HCN1: variants seen among roughly 807,000 people sequenced by gnomAD.
HCN1 encodes hyperpolarization activated cyclic nucleotide gated potassium channel 1, also known as potassium/sodium hyperpolarization-activated cyclic nucleotide-gated channel 1.
In HCN1, 13 loss-of-function variants were observed where a neutral mutation model predicts 78.9. The observed-to-expected ratio is 0.16, with a 90% CI of 0.11 to 0.26. HCN1 has a LOEUF of 0.26. Ranked by LOEUF, HCN1 falls within the 10% of genes least tolerant of loss-of-function variation. The pLI, the probability that HCN1 is intolerant of heterozygous loss-of-function variation, is 1.00. For missense variants in HCN1, 810 were observed against 1,154.3 expected (o/e 0.70, Z 4.32); for synonymous variants, 552 against 455.5 (o/e 1.21, Z -2.70).
At chr5:45,596,492 G>C (rs1744498974) in intron 2 of HCN1, among the ~76,000 whole-genome samples, 1 of 152,170 alleles carries the variant, frequency 6.6e-6, no homozygotes, top group South Asian at 2.1e-4. Flanking sequence ...GAATGTCAAT[G>C]AATAACAGTT....
At position 45,260,700 on chromosome 5, in the gene HCN1, G is replaced by A. The variant is rs1042370726; in HGVS notation, c.*1221C>T. On this transcript the variant is annotated 3_prime_UTR_variant, in exon 8 of 8. Transcript: ENST00000303230. ...ACACTTAACTCCAAATCAAGCTGTGGTTTACAAATAATTATTTAAATAATA... is the reference window on the plus strand; with the variant it reads ...ACACTTAACTCCAAATCAAGCTGTGATTTACAAATAATTATTTAAATAATA... 1.3e-5 allele frequency: 2 copies of A among 152,472 alleles called. No homozygotes were observed. Among genetic ancestry groups the A allele is most frequent in the African/African-American group, 2.4e-5 (1 of 41,396 alleles). The allele number at this position is 152,472 out of a possible 1,614,324, so 9.4% of individuals were successfully genotyped here.
At chr5:45,301,614 A>G (rs537816587) in intron 6 of HCN1, among the ~76,000 whole-genome samples, 1 of 150,756 alleles carries the variant, frequency 6.6e-6, no homozygotes, top group African/African-American at 2.4e-5. Flanking sequence ...CCCAGCTACT[A>G]GGGAGGCTGA....
At chr5:45,498,752 T>C (rs1164947897) in intron 2 of HCN1, among the ~76,000 whole-genome samples, 1 of 152,142 alleles carries the variant, frequency 6.6e-6, no homozygotes, top group East Asian at 1.9e-4. Flanking sequence ...GATGTACAGA[T>C]GGGTTTTTGG....
At chr5:45,492,296 ATGTGTGTGTGTG>A (rs375423075) in intron 2 of HCN1, among the ~76,000 whole-genome samples, 2 of 140,906 alleles carry the variant, frequency 1.4e-5, no homozygotes, top group Non-Finnish European at 3.1e-5. Context: ...AACTCTGTGT[ATGTGTGTGTGTG>A]TGTGTGTGTG....
chr5:45,375,213 T>TAATATATTATAC (rs1747589196), intron 4 of HCN1, among the ~76,000 whole-genome samples: 2 of 113,810 alleles, frequency 1.8e-5, no homozygotes, highest in South Asian at 2.4e-4. Context: ...TTTTATAATA[T>TAATATATTATAC]ATAATATAAT....
intron 2 of HCN1, among the ~76,000 whole-genome samples, chr5:45,530,506 G>A (rs1330685985): frequency 6.6e-6 from 1 of 150,770 alleles, no homozygotes; most frequent in East Asian, 1.9e-4. Context: ...AATTAGTAAG[G>A]ACTATACATT....
At chr5:45,492,603 G>A (rs1741912126) in intron 2 of HCN1, among the ~76,000 whole-genome samples, 1 of 142,322 alleles carries the variant, frequency 7.0e-6, no homozygotes, top group Non-Finnish European at 1.5e-5. Flanking sequence ...CCCGGTTCAA[G>A]TGATTCTCCT....
rs541214592 is a variant in HCN1 at position 45,646,197 on chromosome 5, G to A, written c.426-589C>T. 2.6e-5 allele frequency among the ~76,000 whole-genome samples: 4 copies of A among 151,952 alleles called. No individual in the cohort carries two copies. The East Asian group carries it at 7.7e-4, about 29-fold the overall frequency. ...ATATTTTATGCTTTATTTTTCTTTTGCTTGAAATAAGAAAACTAATTTTGG... is the reference window on the plus strand; with the variant it reads ...ATATTTTATGCTTTATTTTTCTTTTACTTGAAATAAGAAAACTAATTTTGG... On this transcript the variant is annotated intron_variant, in intron 1 of 7. Transcript: ENST00000303230.
At chr5:45,679,275 G>A (rs777784180) in intron 1 of HCN1, among the ~76,000 whole-genome samples, 2 of 151,952 alleles carry the variant, frequency 1.3e-5, no homozygotes, top group African/African-American at 2.4e-5. Flanking sequence ...CTGTCATAGG[G>A]TTGCTCTAAG....
chr5:45,614,691 C>A (rs926581672), intron 2 of HCN1, among the ~76,000 whole-genome samples: 16 of 152,126 alleles, frequency 1.1e-4, no homozygotes, highest in African/African-American at 3.1e-4. Flanking sequence ...TTCCTTAAAT[C>A]GTTTTAATAC....
At chr5:45,417,287 T>C (rs1740137091) in intron 3 of HCN1, among the ~76,000 whole-genome samples, 1 of 151,972 alleles carries the variant, frequency 6.6e-6, no homozygotes, top group Non-Finnish European at 1.5e-5. Flanking sequence ...ACTACATTAA[T>C]GTAATGTTTC....
At chr5:45,620,285 G>T (rs1465016199) in intron 2 of HCN1, among the ~76,000 whole-genome samples, 1 of 151,884 alleles carries the variant, frequency 6.6e-6, no homozygotes, top group Non-Finnish European at 1.5e-5. Context: ...AAAAACTGGT[G>T]AAATATAAAC....
At chr5:45,463,351 C>A (rs762782078) in intron 2 of HCN1, among the ~76,000 whole-genome samples, 16 of 151,792 alleles carry the variant, frequency 1.1e-4, no homozygotes, top group Non-Finnish European at 2.1e-4. Flanking sequence ...AGCATTAATT[C>A]TTTCTTTAAA....
chr5:45,575,833 C>T (rs1302706203), intron 2 of HCN1: 1 of 152,100 alleles, frequency 6.6e-6, no homozygotes, highest in Non-Finnish European at 1.5e-5. Flanking sequence ...GCTAACACAG[C>T]ATCCATTCTG....
At chr5:45,452,235 C>A (rs895823071) in intron 3 of HCN1, among the ~76,000 whole-genome samples, 1 of 151,384 alleles carries the variant, frequency 6.6e-6, no homozygotes, top group Non-Finnish European at 1.5e-5. Context: ...GGATGTAGAA[C>A]AGAGACAGGT....
At chr5:45,332,878 T>C (rs1167837127) in intron 5 of HCN1, among the ~76,000 whole-genome samples, 1 of 151,802 alleles carries the variant, frequency 6.6e-6, no homozygotes, top group Non-Finnish European at 1.5e-5. Context: ...ATTTTCCTTT[T>C]CCATTCATAT....
intron 2 of HCN1, among the ~76,000 whole-genome samples, chr5:45,620,234 T>A (rs77769375): frequency 0.012 from 1,874 of 152,154 alleles, 25 homozygotes; most frequent in Middle Eastern, 0.027. Context: ...AGTGATGTGG[T>A]ATGCATATTT....
chr5:45,542,664 G>A (rs374658301), intron 2 of HCN1, among the ~76,000 whole-genome samples: 2 of 152,210 alleles, frequency 1.3e-5, no homozygotes, highest in South Asian at 2.1e-4. Flanking sequence ...CACAACAGGC[G>A]TGAAATTCAC....
intron 1 of HCN1, among the ~76,000 whole-genome samples, chr5:45,674,679 C>A (rs1746228825): frequency 2.0e-5 from 3 of 151,700 alleles, no homozygotes; most frequent in Admixed American, 6.6e-5. Context: ...CAAGATTTTT[C>A]AATGTCACAC....
Sources: gnomAD v4.1 joint callset for allele counts (sites outside exome capture counted in the v4.1 genomes callset) on GRCh38, gnomAD v4.1.1 for gene constraint, MANE v1.5 for transcripts, NCBI Gene and HGNC (gene_info 2026-07-23, HGNC 2026-07-21) for gene names.